The following CSMD1 variants were observed in gnomAD, a reference collection of about 807,000 sequenced individuals.
CSMD1 encodes CUB and sushi domain-containing protein 1.
CSMD1 carries 213 observed loss-of-function variants against 417.5 expected under a neutral mutation model. That is an observed-to-expected ratio of 0.51 (90% confidence interval 0.46 to 0.57). The LOEUF (loss-of-function observed/expected upper bound fraction) is 0.57. CSMD1 is among the 20% of genes least tolerant of loss of function. The probability of loss-of-function intolerance (pLI) is 0.00; values close to 1 mark genes in which losing one functional copy is unlikely to be tolerated. For missense variants in CSMD1, 6,923 were observed against 4,529.7 expected (o/e 1.53, Z -15.17); for synonymous variants, 2,862 against 1,736.8 (o/e 1.65, Z -16.11).
chr8:3,173,714 A>T (rs978930011), intron 37 of CSMD1, among the ~76,000 whole-genome samples: 2 of 152,152 alleles, frequency 1.3e-5, no homozygotes, highest in African/African-American at 4.8e-5. Flanking sequence ...CACTCGCTAT[A>T]TTGGAGTTCT....
intron 3 of CSMD1, among the ~76,000 whole-genome samples, chr8:4,285,558 G>C (rs1379174911): frequency 6.6e-6 from 1 of 152,188 alleles, no homozygotes; most frequent in Admixed American, 6.5e-5. Flanking sequence ...ATGGATGAGG[G>C]CAGGTTTCGC....
intron 5 of CSMD1, among the ~76,000 whole-genome samples, chr8:3,807,711 G>C (rs186551148): frequency 6.6e-6 from 1 of 151,960 alleles, no homozygotes; most frequent in Non-Finnish European, 1.5e-5. Context: ...TGAGCTATAA[G>C]GGATCCTAAT....
chr8:4,934,111 G>C (rs1220410434), intron 1 of CSMD1, among the ~76,000 whole-genome samples: 2 of 152,098 alleles, frequency 1.3e-5, no homozygotes, highest in African/African-American at 2.4e-5. Flanking sequence ...GTGAGCACCA[G>C]GGAGAGACCT....
intron 9 of CSMD1, among the ~76,000 whole-genome samples, chr8:3,581,212 T>C (rs1347486241): frequency 6.6e-6 from 1 of 152,202 alleles, no homozygotes; most frequent in Non-Finnish European, 1.5e-5. Flanking sequence ...TACTCTTCTC[T>C]CCACTTTGTT....
At chr8:3,076,085 G>C (rs974795462) in intron 49 of CSMD1, among the ~76,000 whole-genome samples, 1 of 151,732 alleles carries the variant, frequency 6.6e-6, no homozygotes, top group African/African-American at 2.4e-5. Context: ...CGTTGTCACT[G>C]TTTATTTTTA....
chr8:4,818,331 A>G (rs544965805), intron 1 of CSMD1, among the ~76,000 whole-genome samples: 1 of 152,308 alleles, frequency 6.6e-6, no homozygotes, highest in Admixed American at 6.5e-5. Flanking sequence ...AAAAGTATAA[A>G]TTTGAGCATT....
chr8:3,560,524 T>C (rs1261068615), intron 10 of CSMD1, among the ~76,000 whole-genome samples: 1 of 152,114 alleles, frequency 6.6e-6, no homozygotes, highest in Non-Finnish European at 1.5e-5. Context: ...CTTGAAAGCA[T>C]GTATTTGAGA....
At chr8:3,236,633 C>T (rs1472436788) in intron 26 of CSMD1, among the ~76,000 whole-genome samples, 1 of 152,210 alleles carries the variant, frequency 6.6e-6, no homozygotes, top group Non-Finnish European at 1.5e-5. Flanking sequence ...TGCTTTTCCA[C>T]TTCAGGCTCT....
intron 1 of CSMD1, among the ~76,000 whole-genome samples, chr8:4,662,820 A>G (rs546480970): frequency 6.6e-6 from 1 of 152,320 alleles, no homozygotes; most frequent in Admixed American, 6.5e-5. Flanking sequence ...GAGTGCCCAC[A>G]TCATCAAAAC....
At chr8:3,882,491 T>C (rs1028233856) in intron 5 of CSMD1, among the ~76,000 whole-genome samples, 17 of 152,196 alleles carry the variant, frequency 1.1e-4, no homozygotes, top group African/African-American at 4.1e-4. Context: ...TGCAAAACTA[T>C]TAGACTCTCT....
chr8:4,623,782 A>T (rs563577911), intron 2 of CSMD1, among the ~76,000 whole-genome samples: 1 of 152,122 alleles, frequency 6.6e-6, no homozygotes, highest in South Asian at 2.1e-4. Flanking sequence ...ATAATATTTC[A>T]AAAAAGCAAA....
rs183024000 is a variant in CSMD1, at chr8:3,719,921, C to A, written c.932-11430G>T. Among the ~76,000 whole-genome samples, 208 of 152,246 alleles carry A rather than the reference C, an allele frequency of 1.4e-3. 1 individual carries two copies. Among genetic ancestry groups the A allele is most frequent in the African/African-American group, 4.6e-3 (193 of 41,534 alleles). ...TCACCTTGCCAGGTTAAAAATGCCT[C>A]TAAATCGCAGATTCCTCGTGTGTTT... On this transcript the variant is annotated intron_variant, in intron 6 of 69. Coordinates refer to ENST00000635120, the MANE Select transcript of CSMD1 (RefSeq NM_033225.6).
intron 52 of CSMD1, among the ~76,000 whole-genome samples, chr8:3,011,186 A>G (rs747165586): frequency 7.9e-5 from 12 of 152,220 alleles, no homozygotes; most frequent in Non-Finnish European, 1.6e-4. Context: ...GAAATATGAC[A>G]GAAAAACCCA....
rs113739318 is a variant in CSMD1 at position 4,804,252 on chromosome 8, G to T, written c.86-166694C>A. Among the ~76,000 whole-genome samples, 551 of 152,138 alleles carry T rather than the reference G, an allele frequency of 3.6e-3. 9 individuals are homozygous for T. Among genetic ancestry groups the T allele is most frequent in the African/African-American group, 0.012 (513 of 41,494 alleles). On this transcript the variant is annotated intron_variant, in intron 1 of 69. Transcript: ENST00000635120. ...TAAAATACACCTTCTAAAGCTCCAG[G>T]AAAATAAGCCTCTAATTATTGAAGC...
intron 3 of CSMD1, among the ~76,000 whole-genome samples, chr8:4,287,071 G>C (rs1427457492): frequency 6.6e-6 from 1 of 152,136 alleles, no homozygotes. Context: ...AGTAACTTGA[G>C]AGAACAAAAA....
intron 5 of CSMD1, among the ~76,000 whole-genome samples, chr8:3,964,042 T>A (rs1368154021): frequency 2.0e-5 from 3 of 152,206 alleles, no homozygotes; most frequent in African/African-American, 7.2e-5. Context: ...ATAAATTACT[T>A]TCATTGATAG....
chr8:4,503,757 G>C (rs1802380376), intron 2 of CSMD1, among the ~76,000 whole-genome samples: 1 of 152,046 alleles, frequency 6.6e-6, no homozygotes, highest in African/African-American at 2.4e-5. Flanking sequence ...AAGCTGGTCT[G>C]TCCTATGTCT....
At chr8:4,463,065 G>T (rs1176242596) in intron 2 of CSMD1, among the ~76,000 whole-genome samples, 1 of 152,090 alleles carries the variant, frequency 6.6e-6, no homozygotes, top group Non-Finnish European at 1.5e-5. Flanking sequence ...CTTGCATCTG[G>T]AATACATAAA....
chr8:3,664,603 A>G lies in CSMD1; in HGVS notation c.1009+43811T>C, dbSNP rs969977257. On this transcript the variant is annotated intron_variant, in intron 7 of 69. Transcript: ENST00000635120. ...GAGGAGTTTTCCTCTGCCTTGTATT[A>G]TTCTGTCTGTCTCCCCACCATTTCA... Among the ~76,000 whole-genome samples the G allele has an allele frequency of 1.1e-4, 17 of 152,206 alleles. 1 individual carries two copies. Among genetic ancestry groups the G allele is most frequent in the African/African-American group, 3.6e-4 (15 of 41,448 alleles).
Sources: allele counts gnomAD v4.1 joint callset (sites outside exome capture counted in the v4.1 genomes callset), GRCh38; gene constraint gnomAD v4.1.1; transcripts MANE v1.5; gene names NCBI Gene and HGNC (gene_info 2026-07-23, HGNC 2026-07-21).